BMPER: variants seen among roughly 807,000 people sequenced by gnomAD.
BMPER encodes the protein BMP binding endothelial regulator.
A neutral mutation model predicts 87.3 loss-of-function variants in BMPER; 45 were observed. That is an observed-to-expected ratio of 0.52 (90% confidence interval 0.41 to 0.66). The LOEUF (loss-of-function observed/expected upper bound fraction) is 0.66, where lower values mean the gene tolerates loss of function less well. BMPER is among the 30% of genes least tolerant of loss of function. The probability of loss-of-function intolerance (pLI) is 0.00; values close to 1 mark genes in which losing one functional copy is unlikely to be tolerated. For synonymous variants in BMPER, 326 were observed against 316.2 expected (o/e 1.03, Z -0.33); for missense variants, 784 against 867.5 (o/e 0.90, Z 1.21).
intron 1 of BMPER, among the ~76,000 whole-genome samples, chr7:33,906,556 G>A (rs567898910): frequency 2.0e-5 from 3 of 152,118 alleles, no homozygotes; most frequent in East Asian, 1.9e-4. Context: ...TGAAATACTT[G>A]GAATTGTGCT....
intron 3 of BMPER, among the ~76,000 whole-genome samples, chr7:33,940,676 C>A (rs557861949): frequency 1.3e-5 from 2 of 151,964 alleles, no homozygotes; most frequent in Non-Finnish European, 2.9e-5. Context: ...TAACAAGAGC[C>A]TGCATGCTCA....
At position 34,080,107 on chromosome 7, in the gene BMPER, A is replaced by AT. The variant is rs199714781; in HGVS notation, c.1408+928dup. 2.9e-4 allele frequency among the ~76,000 whole-genome samples: 44 copies of AT among 152,114 alleles called. No homozygotes were observed. In the East Asian group the frequency reaches 7.4e-3, roughly 25 times the overall value. On this transcript the variant is annotated intron_variant, in intron 12 of 14. Transcript: ENST00000649409. ...CACTGCCTTTCCTTTGGCATACTCTATTTTTTTAAAGCATGATACTTCTAA... is the reference window on the plus strand; with the variant it reads ...CACTGCCTTTCCTTTGGCATACTCTATTTTTTTTAAAGCATGATACTTCTAA...
chr7:33,981,751 G>A (rs1339992734), intron 6 of BMPER, among the ~76,000 whole-genome samples: 4 of 152,030 alleles, frequency 2.6e-5, no homozygotes, highest in Admixed American at 2.0e-4. Flanking sequence ...TTACCAATTC[G>A]GCAGAGAATA....
In BMPER at chr7:34,138,880, A is replaced by G. The variant is rs553424518; in HGVS notation, c.1746-4350A>G. Among the ~76,000 whole-genome samples, 3 of 152,316 alleles carry G rather than the reference A, an allele frequency of 2.0e-5. No individual in the cohort carries two copies. In the South Asian group the frequency reaches 6.2e-4, roughly 32 times the overall value. On this transcript the variant is annotated intron_variant, in intron 13 of 14. Coordinates refer to ENST00000649409, the MANE Select transcript of BMPER (RefSeq NM_001365308.1). ...ACAATGTCATGACAGCAGAGGTACCAAAGCCATAAATCTCAGTCACTCCCA... is the reference window on the plus strand; with the variant it reads ...ACAATGTCATGACAGCAGAGGTACCGAAGCCATAAATCTCAGTCACTCCCA...
chr7:34,090,546 G>A (rs1343802875), intron 13 of BMPER, among the ~76,000 whole-genome samples: 1 of 152,198 alleles, frequency 6.6e-6, no homozygotes, highest in Non-Finnish European at 1.5e-5. Flanking sequence ...CCACAGGATA[G>A]GACAAGCCCT....
At chr7:34,030,288 C>T (rs1223999931) in intron 6 of BMPER, among the ~76,000 whole-genome samples, 1 of 152,022 alleles carries the variant, frequency 6.6e-6, no homozygotes, top group Non-Finnish European at 1.5e-5. Flanking sequence ...TAGGAAAGAC[C>T]TATAGTAGTA....
At chr7:33,924,999 C>T (rs368132106) in intron 2 of BMPER, among the ~76,000 whole-genome samples, 3 of 152,186 alleles carry the variant, frequency 2.0e-5, no homozygotes, top group Admixed American at 2.0e-4. Flanking sequence ...CCAACAGCCT[C>T]ACACCTTGTT....
intron 6 of BMPER, among the ~76,000 whole-genome samples, chr7:34,046,095 C>T (rs2127957635): frequency 2.0e-5 from 3 of 152,168 alleles, no homozygotes; most frequent in Middle Eastern, 6.8e-3. Flanking sequence ...ATGCTGGAAT[C>T]ACCTCCTCAA....
chr7:33,970,030 G>A (rs1785499587), intron 4 of BMPER, among the ~76,000 whole-genome samples: 1 of 152,198 alleles, frequency 6.6e-6, no homozygotes, highest in Admixed American at 6.5e-5. Flanking sequence ...ATTCTGTTGG[G>A]TACTTACTGA....
At chr7:33,977,923 T>G (rs2127914276) in intron 6 of BMPER, among the ~76,000 whole-genome samples, 1 of 152,226 alleles carries the variant, frequency 6.6e-6, no homozygotes, top group South Asian at 2.1e-4. Flanking sequence ...AGTAGTTTAT[T>G]TGGGAGATAC....
At chr7:33,985,202 G>A (rs1049991920) in intron 6 of BMPER, among the ~76,000 whole-genome samples, 2 of 152,112 alleles carry the variant, frequency 1.3e-5, no homozygotes, top group African/African-American at 2.4e-5. Flanking sequence ...TGTACAACTC[G>A]AGGATAACTA....
At chr7:33,968,286 G>C (rs1040408808) in intron 4 of BMPER, among the ~76,000 whole-genome samples, 15 of 152,174 alleles carry the variant, frequency 9.9e-5, no homozygotes, top group Non-Finnish European at 2.2e-4. Context: ...AAAGCAACCT[G>C]CGGTGAAGGG....
intron 6 of BMPER, among the ~76,000 whole-genome samples, chr7:34,045,129 A>T (rs1482927914): frequency 6.6e-6 from 1 of 152,194 alleles, no homozygotes; most frequent in Non-Finnish European, 1.5e-5. Flanking sequence ...TTTGGTTTCT[A>T]GCTCAAATCC....
chr7:33,991,085 G>T (rs1380420545), intron 6 of BMPER, among the ~76,000 whole-genome samples: 59 of 146,140 alleles, frequency 4.0e-4, no homozygotes, highest in African/African-American at 1.4e-3. Flanking sequence ...CTCTTTTTTG[G>T]TTGTGTCTCT....
chr7:34,111,767 G>A (rs183654867), intron 13 of BMPER, among the ~76,000 whole-genome samples: 1 of 152,262 alleles, frequency 6.6e-6, no homozygotes, highest in East Asian at 1.9e-4. Flanking sequence ...AGGCTGGAGT[G>A]CAATGGCACG....
chr7:33,999,932 A>G (rs1002008133), intron 6 of BMPER, among the ~76,000 whole-genome samples: 4 of 152,156 alleles, frequency 2.6e-5, no homozygotes, highest in Non-Finnish European at 4.4e-5. Flanking sequence ...TGAAGTGGAG[A>G]CCTCATCAAA....
chr7:33,927,186 G>T (rs1250135027), intron 2 of BMPER, among the ~76,000 whole-genome samples: 1 of 152,234 alleles, frequency 6.6e-6, no homozygotes, highest in Admixed American at 6.5e-5. Context: ...GTCAAGATCA[G>T]GTATTTTTGT....
intron 3 of BMPER, among the ~76,000 whole-genome samples, chr7:33,939,569 T>C (rs983632456): frequency 2.5e-4 from 38 of 152,172 alleles, no homozygotes; most frequent in African/African-American, 8.9e-4. Flanking sequence ...GTAATCCCCA[T>C]ATGTCAAGGG....
At chr7:33,954,475 C>T (rs967275201) in intron 3 of BMPER, among the ~76,000 whole-genome samples, 8 of 152,244 alleles carry the variant, frequency 5.3e-5, no homozygotes, top group South Asian at 2.1e-4. Flanking sequence ...GGAATGACCA[C>T]GGTGGAAGTA....
Sources: allele counts gnomAD v4.1 joint callset (sites outside exome capture counted in the v4.1 genomes callset), GRCh38; gene constraint gnomAD v4.1.1; transcripts MANE v1.5; gene names NCBI Gene and HGNC (gene_info 2026-07-23, HGNC 2026-07-21).